MRAS: variants seen among roughly 807,000 people sequenced by gnomAD.
MRAS encodes the protein muscle RAS oncogene homolog.
MRAS carries 4 observed loss-of-function variants against 20.9 expected under a neutral mutation model. The ratio of observed to expected loss-of-function variants is 0.19; its 90% CI spans 0.09 to 0.44. The LOEUF is 0.44. Among genes scored for constraint, MRAS ranks in the 20% least tolerant of loss-of-function variants. The pLI, the probability that MRAS is intolerant of heterozygous loss-of-function variation, is 0.99. For synonymous variants in MRAS, 98 were observed against 102.9 expected, an observed-to-expected ratio of 0.95 and a Z score of 0.29; for missense variants, 154 against 277.5, an observed-to-expected ratio of 0.56 and a Z score of 3.16.
At chr3:138,401,642 A>G (rs1187532724) in intron 5 of MRAS, among the ~76,000 whole-genome samples, 2 of 152,202 alleles carry the variant, frequency 1.3e-5, no homozygotes, top group Non-Finnish European at 2.9e-5. Flanking sequence ...GAAAGAAAGA[A>G]ACTATTTGCT....
intron 5 of MRAS, among the ~76,000 whole-genome samples, chr3:138,400,961 G>C (rs2055348110): frequency 6.6e-6 from 1 of 152,034 alleles, no homozygotes; most frequent in African/African-American, 2.4e-5. Flanking sequence ...TACAAACTAG[G>C]TCTCTCTCCT....
chr3:138,396,468 G>A (rs1221988556), intron 2 of MRAS, among the ~76,000 whole-genome samples: 1 of 152,222 alleles, frequency 6.6e-6, no homozygotes. Flanking sequence ...GCCATGAGCA[G>A]GTGCTTGGAG....
intron 2 of MRAS, 57 bp downstream of exon 2, chr3:138,373,133 G>A: frequency 6.7e-6 from 9 of 1,343,780 alleles, no homozygotes; most frequent in Non-Finnish European, 7.8e-6. Flanking sequence ...GAGGATCAGG[G>A]AAATTTGACA....
upstream of MRAS, chr3:138,348,330 G>C (rs987935697): frequency 6.6e-6 from 1 of 152,288 alleles, no homozygotes; most frequent in Non-Finnish European, 1.5e-5. Flanking sequence ...ACCCGGGTAA[G>C]TGCTGGGCCG....
At chr3:138,360,626 C>T (rs900207482) in intron 1 of MRAS, among the ~76,000 whole-genome samples, 5 of 152,194 alleles carry the variant, frequency 3.3e-5, no homozygotes, top group South Asian at 2.1e-4. Context: ...GTATGTCCTT[C>T]GTGAGGCCTG....
chr3:138,365,432 G>C (rs1001092722), intron 1 of MRAS, among the ~76,000 whole-genome samples: 8 of 152,160 alleles, frequency 5.3e-5, no homozygotes, highest in Admixed American at 4.6e-4. Flanking sequence ...TAGGGGTCAC[G>C]AGTAAGCCCA....
In MRAS at chr3:138,399,971, C is replaced by T. The variant is rs186843155; in HGVS notation, c.448-563C>T. On this transcript the variant is annotated intron_variant, in intron 4 of 5. Transcript: ENST00000423968. Reference sequence around the variant, plus strand: ...CGGGTGATGATTTCTCACCATTGAACGTGCAGACAAAAACCTTGTGTAAAC... The same window carrying T: ...CGGGTGATGATTTCTCACCATTGAATGTGCAGACAAAAACCTTGTGTAAAC... 1.4e-3 allele frequency among the ~76,000 whole-genome samples: 212 copies of T among 152,298 alleles called. 4 individuals are homozygous for T. Among genetic ancestry groups the T allele is most frequent in the Non-Finnish European group, 2.9e-4 (20 of 68,034 alleles).
chr3:138,385,611 G>A (rs1337353279), intron 2 of MRAS, among the ~76,000 whole-genome samples: 1 of 152,104 alleles, frequency 6.6e-6, no homozygotes, highest in East Asian at 1.9e-4. Context: ...TGCTTCCCAG[G>A]TTCAAGCGAT....
At chr3:138,349,035 A>G (rs925940878) in intron 1 of MRAS, 1 of 144,764 alleles carries the variant, frequency 6.9e-6, no homozygotes, top group African/African-American at 2.5e-5. Context: ...CTTTCATGGT[A>G]ATTACAGTTC....
In MRAS at chr3:138,358,240, G is replaced by A. The variant is rs141077251; in HGVS notation, c.-19+9473G>A. Among the ~76,000 whole-genome samples, 763 of 152,232 alleles carry A rather than the reference G, an allele frequency of 5.0e-3. 4 individuals are homozygous for A. The highest frequency in any genetic ancestry group is 0.017 in the African/African-American group (709 of 41,534). On this transcript the variant is annotated intron_variant, in intron 1 of 5. Coordinates refer to ENST00000423968, the MANE Select transcript of MRAS (RefSeq NM_001085049.3). ...TAGTAACAGCTACTTGGAAGGCTGA[G>A]GCAGGAGAGTCGCTTGAATCCAGGA...
chr3:138,376,332 C>T (rs2054782881), intron 2 of MRAS, among the ~76,000 whole-genome samples: 1 of 152,182 alleles, frequency 6.6e-6, no homozygotes, highest in Admixed American at 6.5e-5. Context: ...CATTTCTATG[C>T]CCAACTCTGT....
At chr3:138,377,888 G>A (rs891077324) in intron 2 of MRAS, among the ~76,000 whole-genome samples, 1 of 152,262 alleles carries the variant, frequency 6.6e-6, no homozygotes, top group Non-Finnish European at 1.5e-5. Context: ...TGCATTTGCT[G>A]TCTTTGAATC....
intron 2 of MRAS, among the ~76,000 whole-genome samples, chr3:138,386,461 T>C (rs768207783): frequency 2.0e-5 from 3 of 152,214 alleles, no homozygotes; most frequent in East Asian, 1.9e-4. Context: ...TTTTATGATA[T>C]TCTAGTGTAC....
At chr3:138,363,085 T>C (rs1231546533) in intron 1 of MRAS, among the ~76,000 whole-genome samples, 2 of 151,876 alleles carry the variant, frequency 1.3e-5, no homozygotes, top group Non-Finnish European at 2.9e-5. Context: ...TGCCCAGGCT[T>C]GAGTGCAGTG....
In MRAS at chr3:138,369,501, G is replaced by A. The variant is rs576353141; in HGVS notation, c.-18-3365G>A. Among the ~76,000 whole-genome samples the A allele has an allele frequency of 4.6e-5, 7 of 152,288 alleles. No homozygotes were observed. In the South Asian group the frequency reaches 1.5e-3, roughly 32 times the overall value. On this transcript the variant is annotated intron_variant, in intron 1 of 5. Coordinates refer to ENST00000423968, the MANE Select transcript of MRAS (RefSeq NM_001085049.3). ...TATAAGGGGCTGCGGCACGGGTGTG[G>A]CTGGAGAGGTCAGCAGTGGCAGCCA...
chr3:138,401,455 TTA>T (rs1292227331), intron 5 of MRAS, among the ~76,000 whole-genome samples: 1 of 152,190 alleles, frequency 6.6e-6, no homozygotes, highest in Non-Finnish European at 1.5e-5. Flanking sequence ...ATTCTTCACT[TTA>T]TGTTTTTGCT....
Position 138,392,319 on chromosome 3 carries a change from C to T in MRAS, c.194-5005C>T, listed in dbSNP as rs532386567. On this transcript the variant is annotated intron_variant, in intron 2 of 5. Transcript: ENST00000423968. ...AACTCTTGGGCTCAAGCTGATCCTCCGCTTTATCCTCCCAAAGTACTGGGA... is the reference window on the plus strand; with the variant it reads ...AACTCTTGGGCTCAAGCTGATCCTCTGCTTTATCCTCCCAAAGTACTGGGA... 5.3e-5 allele frequency among the ~76,000 whole-genome samples: 8 copies of T among 152,206 alleles called. No individual in the cohort carries two copies. In the East Asian group the frequency reaches 1.5e-3, roughly 29 times the overall value.
chr3:138,350,995 T>TG (rs1287441282), intron 1 of MRAS, among the ~76,000 whole-genome samples: 13 of 151,688 alleles, frequency 8.6e-5, no homozygotes, highest in Admixed American at 7.2e-4. Context: ...GGGGTTGGTT[T>TG]GGTTCCTAAG....
chr3:138,381,557 C>G (rs1300926928), intron 2 of MRAS, among the ~76,000 whole-genome samples: 1 of 152,250 alleles, frequency 6.6e-6, no homozygotes, highest in Admixed American at 6.5e-5. Context: ...CCGCCCTCTG[C>G]CCAGCCAGCC....
Sources: gnomAD v4.1 joint callset for allele counts (sites outside exome capture counted in the v4.1 genomes callset) on GRCh38, gnomAD v4.1.1 for gene constraint, MANE v1.5 for transcripts, NCBI Gene and HGNC (gene_info 2026-07-23, HGNC 2026-07-21) for gene names.